SEC31B: variants seen among roughly 807,000 people sequenced by gnomAD.
SEC31B encodes SEC31 homolog B, COPII component.
Under a neutral mutation model 135.0 loss-of-function variants are expected in SEC31B, and 113 were observed. The ratio of observed to expected loss-of-function variants is 0.84; its 90% confidence interval spans 0.72 to 0.98. The LOEUF (loss-of-function observed/expected upper bound fraction) is 0.98, where lower values mean the gene tolerates loss of function less well. Ranked by LOEUF, SEC31B falls within the 50% of genes least tolerant of loss-of-function variation. SEC31B has a pLI of 0.00. For synonymous variants in SEC31B, 508 were observed against 549.4 expected (o/e 0.92, Z 1.05); for missense variants, 1,296 against 1,421.1 (o/e 0.91, Z 1.42).
At chr10:100,506,591 G>C in intron 7 of SEC31B, 171 bp from the exon 8 acceptor site, 1 of 643,102 alleles carries the variant, frequency 1.6e-6, no homozygotes, top group Non-Finnish European at 2.6e-6. Context: ...GAAAAATTAA[G>C]TAACTTTCCA....
intron 24 of SEC31B, 54 bp from the exon 25 acceptor site, chr10:100,488,152 G>A: frequency 6.7e-7 from 1 of 1,492,064 alleles, no homozygotes; most frequent in Non-Finnish European, 9.3e-7. Context: ...ACACCACACA[G>A]GGCCATAAAG....
At chr10:100,508,086 G>A (rs1851667599) in intron 5 of SEC31B, 35 bp from the exon 6 acceptor site, 1 of 1,612,886 alleles carries the variant, frequency 6.2e-7, no homozygotes, top group Non-Finnish European at 8.5e-7. Flanking sequence ...ATGACAACTT[G>A]TCACCCCCTG....
In SEC31B at chr10:100,498,700, G is replaced by C; in HGVS notation, c.1684+5C>G. On this transcript the variant is annotated splice_donor_5th_base_variant and intron_variant, in intron 14 of 25. Coordinates refer to ENST00000370345, the MANE Select transcript of SEC31B (RefSeq NM_015490.4). The stretch of plus-strand genomic sequence containing the variant: ...GACTCTCCCTCTCCCTCAGGGTCAG[G>C]GTACCTTTTGTGATGGGGATCTCCC... The C allele has an allele frequency of 1.2e-6, 2 of 1,605,228 alleles. No homozygotes were observed. The highest frequency in any genetic ancestry group is 1.7e-6 in the Non-Finnish European group (2 of 1,172,286).
chr10:100,518,717 C>T (rs200899143), intron 1 of SEC31B, among the ~76,000 whole-genome samples: 1 of 152,180 alleles, frequency 6.6e-6, no homozygotes, highest in African/African-American at 2.4e-5. Flanking sequence ...AGCTTGGGAC[C>T]TACTGTGACC....
chr10:100,488,810 GC>G (rs774406651), intron 24 of SEC31B, 47 bp downstream of exon 24: 8 of 1,528,556 alleles, frequency 5.2e-6, no homozygotes, highest in East Asian at 4.6e-5. Flanking sequence ...GGGTCCTGGA[GC>G]CAGCGAGGGG....
Position 100,506,118 on chromosome 10 carries a change from G to C in SEC31B, c.966C>G (p.Ala322=). 1.2e-6 allele frequency: 2 copies of C among 1,614,234 alleles called. No individual in the cohort carries two copies. The highest frequency in any genetic ancestry group is 2.2e-5 in the East Asian group (1 of 44,886). ...ACAAACTGATCCAGCCGTTGAAGGAGGCAGCAGAGAACACTGAAGGGTCCC... is the reference window on the plus strand; with the variant it reads ...ACAAACTGATCCAGCCGTTGAAGGACGCAGCAGAGAACACTGAAGGGTCCC... ...CPRDPSVFSA[A]SFNGWISLYS... is the part of the protein sequence containing the mutation. The change falls in exon 9 of 26, where the codon GCC becomes GCG. Residue 322 remains alanine (A), a synonymous_variant. Coordinates refer to ENST00000370345, the MANE Select transcript of SEC31B (RefSeq NM_015490.4).
chr10:100,502,189 G>A, intron 11 of SEC31B, 65 bp downstream of exon 11: 1 of 1,262,066 alleles, frequency 7.9e-7, no homozygotes, highest in Non-Finnish European at 1.1e-6. Context: ...TCCTGCAGTT[G>A]ACAGAGGTTG....
intron 10 of SEC31B, among the ~76,000 whole-genome samples, chr10:100,504,914 C>T (rs1292586747): frequency 6.6e-6 from 1 of 151,928 alleles, no homozygotes; most frequent in East Asian, 1.9e-4. Flanking sequence ...GAGAATGAGA[C>T]AGAAATGGAA....
At chr10:100,499,697 G>A (rs1235541066) in intron 11 of SEC31B, 99 bp from the exon 12 acceptor site, 2 of 846,724 alleles carry the variant, frequency 2.4e-6, no homozygotes, top group East Asian at 2.5e-5. Context: ...ACCCAATATA[G>A]TTCTTTGTAC....
intron 10 of SEC31B, among the ~76,000 whole-genome samples, chr10:100,504,637 A>G (rs528928919): frequency 6.6e-6 from 1 of 152,344 alleles, no homozygotes; most frequent in South Asian, 2.1e-4. Context: ...GCATATATGT[A>G]TATAAATAAC....
chr10:100,509,157 G>GAAAGGAGGC, intron 4 of SEC31B, 55 bp from the exon 5 acceptor site: 1 of 1,579,614 alleles, frequency 6.3e-7, no homozygotes, highest in Non-Finnish European at 8.7e-7. Flanking sequence ...AACAGAGCAA[G>GAAAGGAGGC]AAAGGAGGAA....
At chr10:100,513,555 C>T (rs1291367073) in intron 3 of SEC31B, among the ~76,000 whole-genome samples, 1 of 152,040 alleles carries the variant, frequency 6.6e-6, no homozygotes, top group Non-Finnish European at 1.5e-5. Flanking sequence ...CTGCAACCTC[C>T]GCCTCCCACG....
At chr10:100,505,585 G>A in intron 9 of SEC31B, 90 bp from the exon 10 acceptor site, 3 of 1,493,194 alleles carry the variant, frequency 2.0e-6, no homozygotes, top group South Asian at 2.7e-5. Flanking sequence ...AGGAATCCTT[G>A]AGACACCCAA....
intron 3 of SEC31B, among the ~76,000 whole-genome samples, chr10:100,515,197 C>T (rs1306755765): frequency 5.3e-5 from 8 of 151,954 alleles, no homozygotes; most frequent in Non-Finnish European, 8.8e-5. Flanking sequence ...GGGGCTGAGG[C>T]GGGAGGATTG....
intron 11 of SEC31B, among the ~76,000 whole-genome samples, chr10:100,500,321 CT>C (rs113438366): frequency 9.3e-4 from 133 of 143,606 alleles, no homozygotes; most frequent in Middle Eastern, 3.6e-3. Context: ...TGTTTCTTTT[CT>C]TTTTTTTTTT....
chr10:100,490,929 G>A, intron 19 of SEC31B, 46 bp from the exon 20 acceptor site: 1 of 1,292,118 alleles, frequency 7.7e-7, no homozygotes, highest in Non-Finnish European at 1.0e-6. Flanking sequence ...AAAGAGAAAG[G>A]TAAATAATAG....
intron 12 of SEC31B, 67 bp downstream of exon 12, chr10:100,499,457 T>C: frequency 7.4e-7 from 1 of 1,354,386 alleles, no homozygotes; most frequent in Non-Finnish European, 1.0e-6. Flanking sequence ...TCTGAGGTGG[T>C]TTACTCTGGC....
intron 6 of SEC31B, 44 bp from the exon 7 acceptor site, chr10:100,507,611 T>C (rs1851658000): frequency 6.2e-7 from 1 of 1,609,876 alleles, no homozygotes; most frequent in South Asian, 1.1e-5. Flanking sequence ...ACCTGACTCT[T>C]TTGCCCAGTT....
intron 3 of SEC31B, among the ~76,000 whole-genome samples, chr10:100,514,729 G>A (rs1008482470): frequency 6.6e-6 from 1 of 152,022 alleles, no homozygotes; most frequent in African/African-American, 2.4e-5. Flanking sequence ...AATGCACAAG[G>A]AGTTCATCAA....
Sources: allele counts gnomAD v4.1 joint callset (sites outside exome capture counted in the v4.1 genomes callset), GRCh38; gene constraint gnomAD v4.1.1; transcripts MANE v1.5; gene names NCBI Gene and HGNC (gene_info 2026-07-23, HGNC 2026-07-21).